GNAI1: variants seen among roughly 807,000 people sequenced by gnomAD.
GNAI1 encodes guanine nucleotide-binding protein G(i) subunit alpha-1.
Under a neutral mutation model 38.9 loss-of-function variants are expected in GNAI1, and 11 were observed. The observed-to-expected ratio is 0.28, with a 90% CI of 0.18 to 0.47. GNAI1 has a LOEUF of 0.47. Among genes scored for constraint, GNAI1 ranks in the 20% least tolerant of loss-of-function variants. GNAI1 has a pLI of 0.99. For synonymous variants in GNAI1, 166 were observed against 145.1 expected (o/e 1.14, Z -1.04); for missense variants, 317 against 436.9 (o/e 0.73, Z 2.45).
intron 1 of GNAI1, among the ~76,000 whole-genome samples, chr7:80,175,553 CT>C (rs564032256): frequency 0.11 from 14,076 of 132,058 alleles, 716 homozygotes; most frequent in Non-Finnish European, 0.13. Context: ...CAGATACTGC[CT>C]TTTTTTTTTT....
intron 1 of GNAI1, among the ~76,000 whole-genome samples, chr7:80,140,371 GTTAT>G (rs1179138168): frequency 6.6e-6 from 1 of 152,172 alleles, no homozygotes; most frequent in Non-Finnish European, 1.5e-5. Context: ...TTTAATAGAT[GTTAT>G]TTAAACCTGA....
At chr7:80,174,065 C>T (rs933873786) in intron 1 of GNAI1, among the ~76,000 whole-genome samples, 2 of 152,082 alleles carry the variant, frequency 1.3e-5, no homozygotes, top group Non-Finnish European at 2.9e-5. Flanking sequence ...AAGTAATTTG[C>T]TTCGACTAGG....
chr7:80,203,968 G>A (rs1788730833), intron 5 of GNAI1, 136 bp downstream of exon 5: 2 of 495,974 alleles, frequency 4.0e-6, no homozygotes, highest in African/African-American at 2.0e-5. Context: ...TCAGATGATT[G>A]GACAAAAGAA....
intron 3 of GNAI1, among the ~76,000 whole-genome samples, chr7:80,196,515 A>G (rs903753030): frequency 1.3e-5 from 2 of 152,002 alleles, no homozygotes; most frequent in African/African-American, 4.8e-5. Flanking sequence ...CCATGGCAAG[A>G]TAAAATCGTT....
At position 80,190,332 on chromosome 7, in the gene GNAI1, TTAC is replaced by T. The variant is rs1372588522; in HGVS notation, c.303+1103_303+1105del. 2.6e-5 allele frequency among the ~76,000 whole-genome samples: 4 copies of T among 152,150 alleles called. No homozygotes were observed. In the East Asian group the frequency reaches 7.7e-4, roughly 29 times the overall value. On this transcript the variant is annotated intron_variant, in intron 3 of 7. Transcript: ENST00000649796. ...TGTTTTTTAAACTTTTTTAAAAAGC[TTAC>T]TGTCATTAATTAAAAATTTCAAGTA...
At chr7:80,150,731 CAG>C (rs1314246106) in intron 1 of GNAI1, among the ~76,000 whole-genome samples, 5 of 152,114 alleles carry the variant, frequency 3.3e-5, no homozygotes, top group Non-Finnish European at 5.9e-5. Context: ...CGTAAATAAA[CAG>C]AACTTTTGTT....
chr7:80,143,065 GCTGCTCAGAGGCTCACCAGCAGA>G (rs1352770587), intron 1 of GNAI1, among the ~76,000 whole-genome samples: 1 of 152,168 alleles, frequency 6.6e-6, no homozygotes. Flanking sequence ...GAGCCAGCAG[GCTGCTCAGAGGCTCACCAGCAGA>G]CTGTTCTTTA....
chr7:80,139,621 A>G (rs1787487067), intron 1 of GNAI1, among the ~76,000 whole-genome samples: 1 of 152,168 alleles, frequency 6.6e-6, no homozygotes, highest in Admixed American at 6.5e-5. Flanking sequence ...ATTATGTAAA[A>G]TTATTATCTT....
intron 7 of GNAI1, among the ~76,000 whole-genome samples, chr7:80,216,891 A>C (rs912872194): frequency 6.6e-6 from 1 of 152,146 alleles, no homozygotes; most frequent in Non-Finnish European, 1.5e-5. Context: ...GGGAGGAAAA[A>C]ATACTGATCA....
At chr7:80,139,440 G>T (rs1038764346) in intron 1 of GNAI1, among the ~76,000 whole-genome samples, 3 of 152,140 alleles carry the variant, frequency 2.0e-5, no homozygotes, top group African/African-American at 7.2e-5. Flanking sequence ...TCTCCAAACA[G>T]AAACTGTTGG....
At chr7:80,187,362 G>A (rs1256353535) in intron 1 of GNAI1, 1 of 152,134 alleles carries the variant, frequency 6.6e-6, no homozygotes, top group African/African-American at 2.4e-5. Flanking sequence ...GGTTGATTTT[G>A]TGTATAGCAC....
chr7:80,203,746 C>T lies in GNAI1; in HGVS notation c.504C>T (p.Ile168=). Reference sequence around the variant, plus strand: ...ACAGAATAGCTCAACCAAATTACATCCCGACTCAACAAGATGTTCTCAGAA... The same window carrying T: ...ACAGAATAGCTCAACCAAATTACATTCCGACTCAACAAGATGTTCTCAGAA... ...DLDRIAQPNY[I]PTQQDVLRTR... The change falls in exon 5 of 8, where the codon ATC becomes ATT. Residue 168 remains isoleucine, a synonymous_variant. Coordinates refer to ENST00000649796, the MANE Select transcript of GNAI1 (RefSeq NM_002069.6). 1 of 1,592,238 alleles carries T rather than the reference C, an allele frequency of 6.3e-7. No individual in the cohort carries two copies. Among genetic ancestry groups the T allele is most frequent in the Non-Finnish European group, 8.6e-7 (1 of 1,162,668 alleles).
At chr7:80,145,293 CTGAT>C (rs1348500311) in intron 1 of GNAI1, among the ~76,000 whole-genome samples, 1 of 152,130 alleles carries the variant, frequency 6.6e-6, no homozygotes, top group Non-Finnish European at 1.5e-5. Flanking sequence ...TATTGACTTT[CTGAT>C]TGATATAGAA....
intron 4 of GNAI1, among the ~76,000 whole-genome samples, chr7:80,199,941 T>G (rs1223412993): frequency 6.6e-6 from 1 of 152,154 alleles, no homozygotes. Flanking sequence ...GATATTTAAG[T>G]ACAGTTTTTT....
chr7:80,194,256 CCTGT>C (rs1294302673), intron 3 of GNAI1, among the ~76,000 whole-genome samples: 6 of 152,036 alleles, frequency 3.9e-5, no homozygotes, highest in Admixed American at 6.5e-5. Flanking sequence ...AACAGTTTTC[CCTGT>C]CTATTGATTA....
At chr7:80,155,982 G>T (rs1483451361) in intron 1 of GNAI1, among the ~76,000 whole-genome samples, 5 of 147,694 alleles carry the variant, frequency 3.4e-5, no homozygotes, top group African/African-American at 1.0e-4. Flanking sequence ...AACCCAGGTT[G>T]CAGTGAGCCG....
In GNAI1 at chr7:80,212,699, A is replaced by G; in HGVS notation, c.721-17A>G. On this transcript the variant is annotated splice_polypyrimidine_tract_variant and intron_variant, in intron 6 of 7. Transcript: ENST00000649796. ...CTTGCTGTTAGTGACGATTGGTTTTATTTTTTTCTATTACAGAACCGAATG... is the reference window on the plus strand; with the variant it reads ...CTTGCTGTTAGTGACGATTGGTTTTGTTTTTTTCTATTACAGAACCGAATG... The G allele has an allele frequency of 6.9e-7, 1 of 1,452,968 alleles. No individual in the cohort carries two copies. The highest frequency in any genetic ancestry group is 9.1e-7 in the Non-Finnish European group (1 of 1,101,466). 90.0% of individuals were successfully genotyped at this position (1,452,968 alleles called of 1,614,324 possible).
chr7:80,207,664 T>C (rs1788798622), intron 5 of GNAI1, among the ~76,000 whole-genome samples: 1 of 151,986 alleles, frequency 6.6e-6, no homozygotes, highest in Non-Finnish European at 1.5e-5. Flanking sequence ...TTTAGAATAA[T>C]TCTACTGGGA....
At position 80,212,846 on chromosome 7, in the gene GNAI1, C is replaced by G; in HGVS notation, c.851C>G (p.Thr284Ser). 2 of 1,578,530 alleles carry G rather than the reference C, an allele frequency of 1.3e-6. No individual in the cohort carries two copies. The highest frequency in any genetic ancestry group is 1.7e-6 in the Non-Finnish European group (2 of 1,165,188). ...GAAAAAATCAAAAAGAGCCCTCTCA[C>G]TATATGCTATCCAGAATATGCAGGT... Reference protein sequence around the residue: ...FEEKIKKSPLTICYPEYAGSN... With the variant: ...FEEKIKKSPLSICYPEYAGSN... The change falls in exon 7 of 8, where the codon ACT becomes AGT. Residue 284 changes from threonine to serine, a missense_variant. Around this residue, in one of 5 missense-constraint regions of GNAI1, gnomAD observed 158 missense variants for 234.7 expected, o/e 0.67. Transcript: ENST00000649796.
Sources: gnomAD v4.1 joint callset for allele counts (sites outside exome capture counted in the v4.1 genomes callset) on GRCh38, gnomAD v4.1.1 for gene constraint, gnomAD v4.1.1 regional missense constraint, MANE v1.5 for transcripts, NCBI Gene and HGNC (gene_info 2026-07-23, HGNC 2026-07-21) for gene names.